Variants in STARD13 observed in about 807,000 individuals in gnomAD.
The protein encoded by STARD13 is stAR-related lipid transfer protein 13.
STARD13 carries 62 observed loss-of-function variants against 106.4 expected under a neutral mutation model. The observed-to-expected ratio is 0.58, with a 90% CI of 0.48 to 0.72. The LOEUF is 0.72. Among genes scored for constraint, STARD13 ranks in the 30% least tolerant of loss-of-function variants. The pLI is 0.00. For missense variants in STARD13, 1,387 were observed against 1,424.0 expected, an observed-to-expected ratio of 0.97 and a Z score of 0.42; for synonymous variants, 565 against 553.0, an observed-to-expected ratio of 1.02 and a Z score of -0.31.
chr13:33,489,152 A>G, the STARD13 span, among the ~76,000 whole-genome samples: 6 of 152,220 alleles, frequency 3.9e-5, no homozygotes, highest in Non-Finnish European at 1.5e-5. Context: ...AAACTAGTTC[A>G]TACCAGCATA....
At chr13:33,580,845 ATTTG>A in the STARD13 span, among the ~76,000 whole-genome samples, 1 of 152,156 alleles carries the variant, frequency 6.6e-6, no homozygotes, top group Non-Finnish European at 1.5e-5. Flanking sequence ...ATACATATAT[ATTTG>A]TTTATCTCTC....
At chr13:33,538,228 T>G in the STARD13 span, among the ~76,000 whole-genome samples, 7 of 152,052 alleles carry the variant, frequency 4.6e-5, no homozygotes, top group African/African-American at 1.7e-4. Context: ...GTGCAGAAAA[T>G]TCTGCCCATA....
chr13:33,447,726 C>T, the STARD13 span, among the ~76,000 whole-genome samples: 7 of 152,130 alleles, frequency 4.6e-5, no homozygotes, highest in South Asian at 1.5e-3. Flanking sequence ...CTCAATAAGA[C>T]ACACAGAAGC....
chr13:33,408,276 C>T, the STARD13 span, among the ~76,000 whole-genome samples: 1 of 152,068 alleles, frequency 6.6e-6, no homozygotes, highest in Admixed American at 6.6e-5. Context: ...TTTCTAAAAG[C>T]GAGATTCTAT....
intron 1 of STARD13, among the ~76,000 whole-genome samples, chr13:33,238,688 C>A (rs894886038): frequency 6.6e-5 from 10 of 152,004 alleles, no homozygotes; most frequent in African/African-American, 2.4e-4. Flanking sequence ...AGTTGTGGAA[C>A]CTTGAGAAAG....
At chr13:33,620,822 T>C in the STARD13 span, among the ~76,000 whole-genome samples, 2 of 150,702 alleles carry the variant, frequency 1.3e-5, no homozygotes, top group African/African-American at 4.8e-5. Context: ...AATAAAAAAT[T>C]TAATACATAG....
chr13:33,462,726 A>G, the STARD13 span, among the ~76,000 whole-genome samples: 25 of 151,938 alleles, frequency 1.6e-4, no homozygotes, highest in African/African-American at 5.5e-4. Context: ...GGGAAGACTC[A>G]GGAAGTCAGC....
intron 1 of STARD13, 104 bp downstream of exon 1, chr13:33,285,364 CAT>C (rs1427992816): frequency 1.6e-6 from 2 of 1,221,832 alleles, no homozygotes; most frequent in Non-Finnish European, 2.3e-6. Context: ...CATAGAAATC[CAT>C]ATGTTATAAA....
downstream of STARD13, among the ~76,000 whole-genome samples, chr13:33,344,459 A>C (rs780366804): frequency 3.1e-4 from 47 of 152,314 alleles, no homozygotes; most frequent in African/African-American, 3.4e-4. Flanking sequence ...ATAGTTGAGT[A>C]TCATCCTGTA....
chr13:33,370,757 T>A, the STARD13 span, among the ~76,000 whole-genome samples: 57 of 151,958 alleles, frequency 3.8e-4, no homozygotes, highest in East Asian at 9.9e-3. Flanking sequence ...TGGCTGGGAT[T>A]ACAGGTGCCC....
At chr13:33,350,050 A>G (rs1425317052) in intron 1 of STARD13, among the ~76,000 whole-genome samples, 1 of 152,126 alleles carries the variant, frequency 6.6e-6, no homozygotes, top group African/African-American at 2.4e-5. Flanking sequence ...AGCATGGAGC[A>G]CCAGGCCTGG....
the STARD13 span, among the ~76,000 whole-genome samples, chr13:33,440,539 G>A: frequency 2.0e-5 from 3 of 151,036 alleles, no homozygotes; most frequent in Middle Eastern, 3.4e-3. Context: ...TGCTTGTTCC[G>A]TATCATTTTC....
At chr13:33,457,172 T>C in the STARD13 span, among the ~76,000 whole-genome samples, 5 of 152,264 alleles carry the variant, frequency 3.3e-5, no homozygotes, top group East Asian at 9.7e-4. Context: ...AAGAAGAAAA[T>C]CCAACATACA....
At chr13:33,472,973 C>T in the STARD13 span, among the ~76,000 whole-genome samples, 1 of 152,130 alleles carries the variant, frequency 6.6e-6, no homozygotes, top group Non-Finnish European at 1.5e-5. Context: ...CTGACATGGC[C>T]TCAGGAACTC....
the STARD13 span, among the ~76,000 whole-genome samples, chr13:33,563,885 G>A: frequency 1.4e-5 from 2 of 147,168 alleles, no homozygotes; most frequent in African/African-American, 2.5e-5. Flanking sequence ...GCACACACAC[G>A]AAAAATCTGA....
intron 4 of STARD13, among the ~76,000 whole-genome samples, chr13:33,140,960 G>A (rs1879747864): frequency 6.6e-6 from 1 of 152,086 alleles, no homozygotes; most frequent in Non-Finnish European, 1.5e-5. Flanking sequence ...GTTTCACCAT[G>A]TGGGTCAGGC....
the STARD13 span, among the ~76,000 whole-genome samples, chr13:33,471,125 T>C: frequency 6.6e-6 from 1 of 152,250 alleles, no homozygotes; most frequent in East Asian, 1.9e-4. Context: ...GGGATCCAGT[T>C]TCAGCTTTCT....
At chr13:33,305,767 C>T (rs566314318) in intron 1 of STARD13, among the ~76,000 whole-genome samples, 1 of 152,272 alleles carries the variant, frequency 6.6e-6, no homozygotes, top group African/African-American at 2.4e-5. Context: ...CTACTAAAGT[C>T]TGAGATATGT....
intron 1 of STARD13, among the ~76,000 whole-genome samples, chr13:33,243,650 G>T (rs563822506): frequency 6.6e-6 from 1 of 152,188 alleles, no homozygotes; most frequent in Non-Finnish European, 1.5e-5. Flanking sequence ...AGGGATAATG[G>T]TGTCCCGGAC....
Sources: gnomAD v4.1 joint callset for allele counts (sites outside exome capture counted in the v4.1 genomes callset) on GRCh38, gnomAD v4.1.1 for gene constraint, MANE v1.5 for transcripts, NCBI Gene and HGNC (gene_info 2026-07-23, HGNC 2026-07-21) for gene names.